RRP1: variants seen among roughly 807,000 people sequenced by gnomAD.
The protein encoded by RRP1 is ribosomal RNA processing 1, also known as ribosomal RNA processing protein 1 homolog A.
RRP1 carries 37 observed loss-of-function variants against 54.6 expected under a neutral mutation model. That is an observed-to-expected ratio of 0.68 (90% CI 0.52 to 0.89). The LOEUF is 0.89. RRP1 is among the 40% of genes least tolerant of loss of function. The probability of loss-of-function intolerance (pLI) is 0.00; values close to 1 mark genes in which losing one functional copy is unlikely to be tolerated. For missense variants in RRP1, 639 were observed against 612.5 expected (o/e 1.04, Z -0.46); for synonymous variants, 262 against 244.3 (o/e 1.07, Z -0.67).
rs909112225 is a variant in RRP1 at position 43,800,730 on chromosome 21, C to T, written c.989+116C>T. The T allele has an allele frequency of 4.4e-5, 66 of 1,499,900 alleles. No homozygotes were observed. The East Asian group carries it at 4.8e-4, about 11-fold the overall frequency. 92.9% of individuals were successfully genotyped at this position (1,499,900 alleles called of 1,614,324 possible). On this transcript the variant is annotated intron_variant, in intron 10 of 12. Transcript: ENST00000497547. ...CTTCCGCAGCCCCCGGGGTGATCCC[C>T]GCTAGGACCCTGAGACCGTCCCCAG... is the stretch of plus-strand genomic sequence containing the variant.
Position 43,791,347 on chromosome 21 carries a change from C to T in RRP1, c.134-3C>T. ...TGGTCCAACCGTTGCTGTTTTGATGCAGGTGGTTTTACGCACGACGAGCTG... is the reference window on the plus strand; with the variant it reads ...TGGTCCAACCGTTGCTGTTTTGATGTAGGTGGTTTTACGCACGACGAGCTG... On this transcript the variant is annotated splice_polypyrimidine_tract_variant and splice_region_variant and intron_variant, in intron 1 of 12. Coordinates refer to ENST00000497547, the MANE Select transcript of RRP1 (RefSeq NM_003683.6). The T allele has an allele frequency of 1.2e-6, 2 of 1,613,674 alleles. No individual in the cohort carries two copies. Among genetic ancestry groups the T allele is most frequent in the Non-Finnish European group, 1.7e-6 (2 of 1,179,746 alleles).
At chr21:43,800,789 C>A in intron 10 of RRP1, 73 bp from the exon 11 acceptor site, 1 of 1,599,214 alleles carries the variant, frequency 6.3e-7, no homozygotes, top group Admixed American at 1.7e-5. Flanking sequence ...AACCTGCAGC[C>A]GCTCTAGCTG....
At chr21:43,801,741 C>T (rs1261832910) in intron 11 of RRP1, among the ~76,000 whole-genome samples, 1 of 152,144 alleles carries the variant, frequency 6.6e-6, no homozygotes, top group African/African-American at 2.4e-5. Context: ...GGATCGTGTG[C>T]ATCTGGCAGG....
chr21:43,797,358 G>T (rs767684888), intron 5 of RRP1, 64 bp from the exon 6 acceptor site: 6 of 1,544,642 alleles, frequency 3.9e-6, no homozygotes, highest in Non-Finnish European at 5.2e-6. Context: ...ATGGGAGAGT[G>T]GGGGGCACGG....
At chr21:43,790,742 C>G (rs1050083366) in intron 1 of RRP1, 3 of 298,304 alleles carry the variant, frequency 1.0e-5, no homozygotes, top group East Asian at 9.7e-5. Flanking sequence ...CACCGTGCGG[C>G]CAGGCCAGCT....
chr21:43,799,731 TAGG>T (rs2085064821), intron 9 of RRP1, 82 bp downstream of exon 9: 3 of 1,323,700 alleles, frequency 2.3e-6, no homozygotes, highest in African/African-American at 1.4e-5. Flanking sequence ...AGGGGGGCGT[TAGG>T]AGGGAGGATG....
chr21:43,791,039 G>C (rs1237286606), intron 1 of RRP1: 4 of 498,852 alleles, frequency 8.0e-6, no homozygotes, highest in African/African-American at 7.7e-5. Flanking sequence ...CCACTGTCCA[G>C]CTTAGGAAAC....
In RRP1 at chr21:43,803,866, C is replaced by A; in HGVS notation, c.*92C>A. The A allele has an allele frequency of 7.1e-7, 1 of 1,412,576 alleles. No homozygotes were observed. Among genetic ancestry groups the A allele is most frequent in the Non-Finnish European group, 9.4e-7 (1 of 1,065,938 alleles). The allele number at this position is 1,412,576 out of a possible 1,614,324, so 87.5% of individuals were successfully genotyped here. ...CCGGGCTGTTCTGTAGACTCAGGAC[C>A]GTGGCTCCAGAACTCCTGTGCCAGG... is the stretch of plus-strand genomic sequence containing the variant. On this transcript the variant is annotated 3_prime_UTR_variant, in exon 13 of 13. Coordinates refer to ENST00000497547, the MANE Select transcript of RRP1 (RefSeq NM_003683.6).
In RRP1 at chr21:43,803,816, C is replaced by T. The variant is rs139697034; in HGVS notation, c.*42C>T. On this transcript the variant is annotated 3_prime_UTR_variant, in exon 13 of 13. Transcript: ENST00000497547. Reference sequence around the variant, plus strand: ...ACAGGCAGGGAGGGAGGCCAGGCCTCGCTTGCACCGCGGGACGAGGCTGAC... The same window carrying T: ...ACAGGCAGGGAGGGAGGCCAGGCCTTGCTTGCACCGCGGGACGAGGCTGAC... The T allele has an allele frequency of 8.7e-4, 1,326 of 1,515,682 alleles. 10 individuals carry two copies. In the Middle Eastern group the frequency reaches 0.024, roughly 27 times the overall value. The allele number at this position is 1,515,682 out of a possible 1,614,324, so 93.9% of individuals were successfully genotyped here.
chr21:43,795,407 A>G (rs1040424176), intron 5 of RRP1, among the ~76,000 whole-genome samples, 157 bp downstream of exon 5: 1 of 152,162 alleles, frequency 6.6e-6, no homozygotes, highest in African/African-American at 2.4e-5. Context: ...AGTAAAAATC[A>G]GTTTGTGTGT....
chr21:43,795,414 G>T, intron 5 of RRP1, among the ~76,000 whole-genome samples, 164 bp downstream of exon 5: 1 of 152,182 alleles, frequency 6.6e-6, no homozygotes, highest in East Asian at 1.9e-4. Context: ...ATCAGTTTGT[G>T]TGTTTGTGGA....
intron 10 of RRP1, 99 bp from the exon 11 acceptor site, chr21:43,800,763 G>T: frequency 6.4e-7 from 1 of 1,567,094 alleles, no homozygotes; most frequent in Non-Finnish European, 8.7e-7. Context: ...CAGCCCCTGG[G>T]GTTCCCCTGG....
At chr21:43,792,758 A>T in intron 3 of RRP1, 29 bp downstream of exon 3, 2 of 1,611,764 alleles carry the variant, frequency 1.2e-6, no homozygotes, top group Non-Finnish European at 1.7e-6. Flanking sequence ...AGTTGGGTGC[A>T]TTTGTAGATG....
At chr21:43,794,455 A>G (rs1042102852) in intron 4 of RRP1, among the ~76,000 whole-genome samples, 1 of 152,086 alleles carries the variant, frequency 6.6e-6, no homozygotes, top group Non-Finnish European at 1.5e-5. Context: ...CCTCGGTGGC[A>G]CCGCAGGGTG....
At chr21:43,802,470 C>A (rs746843991) in intron 12 of RRP1, 83 bp downstream of exon 12, 1 of 1,088,430 alleles carries the variant, frequency 9.2e-7, no homozygotes, top group Admixed American at 1.8e-5. Flanking sequence ...CCTGCAGTGT[C>A]TCCCCCTGAA....
At position 43,791,859 on chromosome 21, in the gene RRP1, C is replaced by T. The variant is rs139216184; in HGVS notation, c.216+427C>T. Among the ~76,000 whole-genome samples the T allele has an allele frequency of 5.5e-3, 843 of 152,258 alleles. 5 individuals are homozygous for T. The highest frequency in any genetic ancestry group is 0.019 in the African/African-American group (783 of 41,516). ...CCGTGGGGAGGTCGTATAGCCTTGA[C>T]GCTTGGTTCGGCACGGCTGGTGGGC... On this transcript the variant is annotated intron_variant, in intron 2 of 12. Transcript: ENST00000497547.
rs532177330 is a variant in RRP1 at position 43,795,796 on chromosome 21, C to T, written c.422+546C>T. Among the ~76,000 whole-genome samples the T allele has an allele frequency of 2.0e-5, 3 of 152,288 alleles. 1 individual carries two copies. The highest frequency in any genetic ancestry group is 4.1e-4 in the South Asian group (2 of 4,826). ...CAAACTCTTGGGCTCAAACAATCTG[C>T]CTGCCTAGGCCTCCCAAGTTGTAAG... On this transcript the variant is annotated intron_variant, in intron 5 of 12. Transcript: ENST00000497547.
rs569710592 is a variant in RRP1 at position 43,802,938 on chromosome 21, C to T, written c.1123+551C>T. Among the ~76,000 whole-genome samples the T allele has an allele frequency of 1.4e-3, 220 of 152,364 alleles. 2 individuals are homozygous for T. The highest frequency in any genetic ancestry group is 5.0e-3 in the African/African-American group (210 of 41,596). ...TACCTGCAGTGGAGGGGGTTGAGCA[C>T]AGTGCCGGGCAGGGCAGGGGGCCCA... On this transcript the variant is annotated intron_variant, in intron 12 of 12. Coordinates refer to ENST00000497547, the MANE Select transcript of RRP1 (RefSeq NM_003683.6).
intron 8 of RRP1, among the ~76,000 whole-genome samples, chr21:43,799,297 C>G (rs899154623): frequency 2.0e-5 from 3 of 151,748 alleles, no homozygotes; most frequent in African/African-American, 7.3e-5. Context: ...CCTGGGACAT[C>G]TTTTTTTCCT....
Sources: allele counts gnomAD v4.1 joint callset (sites outside exome capture counted in the v4.1 genomes callset), GRCh38; gene constraint gnomAD v4.1.1; transcripts MANE v1.5; gene names NCBI Gene and HGNC (gene_info 2026-07-23, HGNC 2026-07-21).